Variants in ASIC2 observed in about 807,000 individuals in gnomAD.
ASIC2 encodes acid sensing ion channel subunit 2.
In ASIC2, 25 loss-of-function variants were observed where a neutral mutation model predicts 57.3. That is an observed-to-expected ratio of 0.44 (90% CI 0.32 to 0.61). The LOEUF (loss-of-function observed/expected upper bound fraction) is 0.61. Ranked by LOEUF, ASIC2 falls within the 20% of genes least tolerant of loss-of-function variation. The probability of loss-of-function intolerance (pLI) is 0.06; values close to 1 mark genes in which losing one functional copy is unlikely to be tolerated. For synonymous variants in ASIC2, 319 were observed against 307.5 expected, an observed-to-expected ratio of 1.04 and a Z score of -0.39; for missense variants, 641 against 738.1, an observed-to-expected ratio of 0.87 and a Z score of 1.52.
At chr17:33,542,862 G>C (rs1915460433) in intron 1 of ASIC2, among the ~76,000 whole-genome samples, 1 of 150,318 alleles carries the variant, frequency 6.7e-6, no homozygotes, top group Admixed American at 6.6e-5. Flanking sequence ...TTTTCTTCTA[G>C]GGTTTTTATG....
At chr17:33,767,439 A>C (rs1410212573) in intron 1 of ASIC2, among the ~76,000 whole-genome samples, 1 of 152,238 alleles carries the variant, frequency 6.6e-6, no homozygotes, top group Non-Finnish European at 1.5e-5. Flanking sequence ...GAAATGAAAA[A>C]GCTTCAAAAG....
intron 3 of ASIC2, among the ~76,000 whole-genome samples, chr17:33,076,733 C>T (rs1160542415): frequency 6.6e-6 from 1 of 152,142 alleles, no homozygotes; most frequent in African/African-American, 2.4e-5. Flanking sequence ...GAAATTTTCC[C>T]CAAGGGATCT....
chr17:33,166,770 C>A (rs909844799), intron 1 of ASIC2, among the ~76,000 whole-genome samples: 1 of 152,224 alleles, frequency 6.6e-6, no homozygotes. Flanking sequence ...ACTGCAGGAA[C>A]CGAACGGTAT....
At chr17:33,897,926 T>A (rs913576328) in intron 1 of ASIC2, among the ~76,000 whole-genome samples, 1 of 152,174 alleles carries the variant, frequency 6.6e-6, no homozygotes, top group African/African-American at 2.4e-5. Context: ...AGATGGATGA[T>A]GAATATAGGT....
chr17:34,118,658 C>T (rs981595835), intron 1 of ASIC2: 13 of 152,152 alleles, frequency 8.5e-5, no homozygotes, highest in South Asian at 8.3e-4. Flanking sequence ...AAGGCCGGTC[C>T]GGGTTAGGAA....
At chr17:33,743,696 G>A (rs1370991796) in intron 1 of ASIC2, among the ~76,000 whole-genome samples, 2 of 152,176 alleles carry the variant, frequency 1.3e-5, no homozygotes, top group Non-Finnish European at 2.9e-5. Flanking sequence ...CACAACACGA[G>A]CTCTTTCCTG....
At chr17:33,022,600 T>G (rs898339190) in intron 6 of ASIC2, among the ~76,000 whole-genome samples, 1 of 152,260 alleles carries the variant, frequency 6.6e-6, no homozygotes, top group African/African-American at 2.4e-5. Flanking sequence ...TTCTGCCCTG[T>G]GCTGATGGTC....
intron 1 of ASIC2, among the ~76,000 whole-genome samples, chr17:33,350,679 G>A (rs1482154609): frequency 2.0e-5 from 3 of 150,944 alleles, no homozygotes; most frequent in Non-Finnish European, 4.4e-5. Context: ...GAGACTCTGT[G>A]AGAAAAAAAA....
chr17:33,894,603 T>C (rs982905622), intron 1 of ASIC2, among the ~76,000 whole-genome samples: 1 of 152,150 alleles, frequency 6.6e-6, no homozygotes, highest in Non-Finnish European at 1.5e-5. Context: ...ACACTAGCTA[T>C]GTGCACTTGA....
rs1190440431 is a variant in ASIC2, at chr17:33,292,229, C to G, written c.-114G>C. On this transcript the variant is annotated 5_prime_UTR_variant, in exon 1 of 10. Coordinates refer to ENST00000225823, the MANE Select transcript of ASIC2 (RefSeq NM_183377.2). ...AGCGGCAGCCGCGCGCAGCCCGCGC[C>G]AGGGAAGCGTGCGCCCGAAAGGAGC... 1 of 999,902 alleles carries G rather than the reference C, an allele frequency of 1.0e-6. No individual in the cohort carries two copies. The highest frequency in any genetic ancestry group is 1.7e-5 in the African/African-American group (1 of 57,164). 61.9% of individuals were successfully genotyped at this position (999,902 alleles called of 1,614,324 possible).
chr17:33,187,905 G>GAAAAAAAAAAAAAAAAAA (rs60454518), intron 1 of ASIC2, among the ~76,000 whole-genome samples: 1 of 90,758 alleles, frequency 1.1e-5, no homozygotes, highest in Non-Finnish European at 2.5e-5. Flanking sequence ...GGTCAGGGAT[G>GAAAAAAAAAAAAAAAAAA]AAAAAAAAAA....
At chr17:33,576,371 T>C (rs1916621177) in intron 1 of ASIC2, among the ~76,000 whole-genome samples, 1 of 152,176 alleles carries the variant, frequency 6.6e-6, no homozygotes, top group African/African-American at 2.4e-5. Context: ...GTAATTCAGG[T>C]ATAGATGTGA....
chr17:33,916,739 G>C (rs1915593520), intron 1 of ASIC2, among the ~76,000 whole-genome samples: 2 of 152,170 alleles, frequency 1.3e-5, no homozygotes, highest in Non-Finnish European at 2.9e-5. Context: ...AGGATTCAAG[G>C]ACTGACAGCA....
intron 1 of ASIC2, among the ~76,000 whole-genome samples, chr17:33,514,897 C>T (rs1479132286): frequency 2.0e-5 from 3 of 152,156 alleles, no homozygotes; most frequent in Admixed American, 6.5e-5. Context: ...GGAGTCATCC[C>T]GTGTTATCCC....
intron 1 of ASIC2, among the ~76,000 whole-genome samples, chr17:33,558,308 G>A (rs1267180831): frequency 6.6e-6 from 1 of 152,166 alleles, no homozygotes; most frequent in Non-Finnish European, 1.5e-5. Flanking sequence ...TTGTATCCTG[G>A]ACATTATGGA....
chr17:33,834,787 G>A (rs777725524), intron 1 of ASIC2, among the ~76,000 whole-genome samples: 1 of 152,236 alleles, frequency 6.6e-6, no homozygotes, highest in East Asian at 1.9e-4. Flanking sequence ...CTGTCTCTCC[G>A]TGGAACTAAA....
intron 1 of ASIC2, among the ~76,000 whole-genome samples, chr17:34,085,410 C>G (rs1170257567): frequency 6.6e-6 from 1 of 152,184 alleles, no homozygotes; most frequent in Non-Finnish European, 1.5e-5. Context: ...GGTGGATAAG[C>G]TTTCTGATGT....
intron 1 of ASIC2, among the ~76,000 whole-genome samples, chr17:33,342,451 T>C (rs910206122): frequency 4.6e-5 from 7 of 152,140 alleles, no homozygotes; most frequent in Non-Finnish European, 1.0e-4. Context: ...TGAGTTCACA[T>C]GTACATACAT....
chr17:33,071,922 G>A (rs1028919036), intron 3 of ASIC2, among the ~76,000 whole-genome samples: 21 of 152,282 alleles, frequency 1.4e-4, no homozygotes, highest in Admixed American at 1.2e-3. Context: ...GTGCTGCCAG[G>A]CACTGTTTCC....
Sources: gnomAD v4.1 joint callset for allele counts (sites outside exome capture counted in the v4.1 genomes callset) on GRCh38, gnomAD v4.1.1 for gene constraint, MANE v1.5 for transcripts, NCBI Gene and HGNC (gene_info 2026-07-23, HGNC 2026-07-21) for gene names.